Variants in LGSN observed in about 807,000 individuals in gnomAD.
LGSN encodes the protein lengsin, lens protein with glutamine synthetase domain.
In LGSN, 21 loss-of-function variants were observed where a neutral mutation model predicts 19.5. The observed-to-expected ratio is 1.07, with a 90% CI of 0.76 to 1.55. LGSN has a LOEUF of 1.55. LGSN is among the 40% of genes most tolerant of loss of function. LGSN has a pLI of 0.00. For synonymous variants in LGSN, 257 were observed against 215.6 expected (o/e 1.19, Z -1.68); for missense variants, 673 against 608.5 (o/e 1.11, Z -1.12).
the LGSN span, among the ~76,000 whole-genome samples, chr6:63,525,055 G>A: frequency 1.3e-5 from 2 of 152,182 alleles, no homozygotes; most frequent in Non-Finnish European, 2.9e-5. Flanking sequence ...AGACAGACTA[G>A]AGCAGCATTT....
chr6:63,491,607 T>A, the LGSN span, among the ~76,000 whole-genome samples: 81,084 of 151,700 alleles, frequency 0.53, 23,451 homozygotes, highest in African/African-American at 0.77. Context: ...TTTTAACATA[T>A]AATAAATAAT....
chr6:63,357,694 G>C, the LGSN span, among the ~76,000 whole-genome samples: 1 of 152,138 alleles, frequency 6.6e-6, no homozygotes, highest in African/African-American at 2.4e-5. Context: ...TTTTTTTCTT[G>C]TAAATTTGTT....
the LGSN span, among the ~76,000 whole-genome samples, chr6:63,348,741 CTTT>C: frequency 1.9e-5 from 2 of 106,692 alleles, no homozygotes; most frequent in Admixed American, 9.4e-5. Context: ...AAGATTTTTA[CTTT>C]TTTTTTTTTT....
At chr6:63,352,649 TCTCTTC>T in the LGSN span, among the ~76,000 whole-genome samples, 2 of 151,646 alleles carry the variant, frequency 1.3e-5, no homozygotes, top group African/African-American at 2.4e-5. Flanking sequence ...TCTCTCTCTC[TCTCTTC>T]CTCTCTCTCT....
the LGSN span, among the ~76,000 whole-genome samples, chr6:63,425,919 A>G: frequency 2.0e-5 from 3 of 152,196 alleles, no homozygotes; most frequent in Admixed American, 1.3e-4. Context: ...ACTCAGTTAT[A>G]TTATAGTTTT....
At chr6:63,332,860 G>A in the LGSN span, among the ~76,000 whole-genome samples, 10 of 152,202 alleles carry the variant, frequency 6.6e-5, no homozygotes, top group African/African-American at 2.2e-4. Flanking sequence ...ACATGTGTCC[G>A]GAATTGGTGG....
At chr6:63,556,262 G>T in the LGSN span, among the ~76,000 whole-genome samples, 8 of 151,936 alleles carry the variant, frequency 5.3e-5, no homozygotes, top group Non-Finnish European at 1.2e-4. Flanking sequence ...AGGCTCCAGG[G>T]TGCCTCCTGC....
chr6:63,531,600 C>T, the LGSN span, among the ~76,000 whole-genome samples: 1 of 150,396 alleles, frequency 6.6e-6, no homozygotes, highest in South Asian at 2.1e-4. Flanking sequence ...GGCAATCTTC[C>T]TCTCTCATCC....
At chr6:63,296,510 A>G (rs572728209) in intron 1 of LGSN, among the ~76,000 whole-genome samples, 17 of 151,424 alleles carry the variant, frequency 1.1e-4, no homozygotes, top group African/African-American at 3.4e-4. Context: ...TTATTTATTT[A>G]TATAGTCTTT....
the LGSN span, among the ~76,000 whole-genome samples, chr6:63,443,240 G>T: frequency 6.6e-6 from 1 of 152,222 alleles, no homozygotes; most frequent in South Asian, 2.1e-4. Flanking sequence ...TGCTCTGAGT[G>T]CGGGGCCTGC....
the LGSN span, among the ~76,000 whole-genome samples, chr6:63,457,329 A>G: frequency 5.3e-5 from 8 of 151,946 alleles, no homozygotes; most frequent in South Asian, 1.7e-3. Flanking sequence ...ACATGGTGAA[A>G]CCCCATCTCT....
the LGSN span, among the ~76,000 whole-genome samples, chr6:63,474,774 T>A: frequency 6.6e-6 from 1 of 150,896 alleles, no homozygotes; most frequent in Non-Finnish European, 1.5e-5. Context: ...ATAAAAAAAA[T>A]TAGCTGGGCG....
the LGSN span, among the ~76,000 whole-genome samples, chr6:63,344,701 A>G: frequency 2.5e-4 from 38 of 152,232 alleles, no homozygotes; most frequent in African/African-American, 8.9e-4. Flanking sequence ...CTGAGAGTTT[A>G]GGGCCAAATT....
chr6:63,544,049 G>A, the LGSN span, among the ~76,000 whole-genome samples: 4 of 152,000 alleles, frequency 2.6e-5, no homozygotes, highest in African/African-American at 4.8e-5. Flanking sequence ...CCCCAACCCC[G>A]TATTTCATGT....
the LGSN span, among the ~76,000 whole-genome samples, chr6:63,332,977 G>A: frequency 3.9e-5 from 6 of 151,948 alleles, no homozygotes; most frequent in African/African-American, 7.3e-5. Flanking sequence ...CGGTGGGCTC[G>A]TGGTCTCTCT....
the LGSN span, among the ~76,000 whole-genome samples, chr6:63,505,072 C>T: frequency 6.6e-6 from 1 of 152,104 alleles, no homozygotes; most frequent in Non-Finnish European, 1.5e-5. Flanking sequence ...ATGACCATGG[C>T]ATTCCTTTTC....
chr6:63,564,005 TG>T, the LGSN span, among the ~76,000 whole-genome samples: 3 of 152,230 alleles, frequency 2.0e-5, no homozygotes, highest in African/African-American at 7.2e-5. Context: ...TATTTAATGG[TG>T]GCTCACGCCT....
the LGSN span, among the ~76,000 whole-genome samples, chr6:63,452,927 A>G: frequency 6.7e-6 from 1 of 150,344 alleles, no homozygotes; most frequent in Non-Finnish European, 1.5e-5. Context: ...TATGCATTTA[A>G]TGTTATAACT....
At chr6:63,439,383 T>TA in the LGSN span, among the ~76,000 whole-genome samples, 3 of 151,514 alleles carry the variant, frequency 2.0e-5, no homozygotes. Flanking sequence ...TAATAATAAT[T>TA]AAAAAAACAC....
Sources: gnomAD v4.1 joint callset for allele counts (sites outside exome capture counted in the v4.1 genomes callset) on GRCh38, gnomAD v4.1.1 for gene constraint, MANE v1.5 for transcripts, NCBI Gene and HGNC (gene_info 2026-07-23, HGNC 2026-07-21) for gene names.